ZNF710: variants seen among roughly 807,000 people sequenced by gnomAD.
The protein encoded by ZNF710 is zinc finger protein 710.
Under a neutral mutation model 50.6 loss-of-function variants are expected in ZNF710, and 13 were observed. The observed-to-expected ratio is 0.26, with a 90% CI of 0.17 to 0.41. ZNF710 has a LOEUF of 0.41. Among genes scored for constraint, ZNF710 ranks in the 10% least tolerant of loss-of-function variants. The pLI, the probability that ZNF710 is intolerant of heterozygous loss-of-function variation, is 1.00. For missense variants in ZNF710, 721 were observed against 936.6 expected, an observed-to-expected ratio of 0.77 and a Z score of 3.01; for synonymous variants, 383 against 397.0, an observed-to-expected ratio of 0.96 and a Z score of 0.42.
chr15:90,010,993 C>G (rs1471577877), intron 1 of ZNF710, among the ~76,000 whole-genome samples: 3 of 135,586 alleles, frequency 2.2e-5, no homozygotes, highest in Admixed American at 8.2e-5. Context: ...TGCAATGGTG[C>G]AATCTCGGCT....
intron 1 of ZNF710, among the ~76,000 whole-genome samples, chr15:90,015,122 C>T (rs1181847490): frequency 6.6e-6 from 1 of 152,102 alleles, no homozygotes; most frequent in Non-Finnish European, 1.5e-5. Context: ...AACTCTTGAC[C>T]TCAGGTGATC....
rs555518692 is a variant in ZNF710 at position 90,017,452 on chromosome 15, G to A, written c.-29+15838G>A. On this transcript the variant is annotated intron_variant, in intron 1 of 4. Coordinates refer to ENST00000268154, the MANE Select transcript of ZNF710 (RefSeq NM_198526.4). The stretch of plus-strand genomic sequence containing the variant: ...AAGAGATACAAAATCATCCAGCTCC[G>A]GCTGTCCTTGTGTGTGGTGCCATAT... Among the ~76,000 whole-genome samples the A allele has an allele frequency of 1.2e-4, 18 of 152,134 alleles. No individual in the cohort carries two copies. In the South Asian group the frequency reaches 2.9e-3, roughly 25 times the overall value.
At chr15:90,079,523 G>C (rs1403638965) in intron 4 of ZNF710, 137 bp from the exon 5 acceptor site, 1 of 1,081,200 alleles carries the variant, frequency 9.2e-7, no homozygotes, top group South Asian at 1.5e-5. Flanking sequence ...GGGTGGGAAG[G>C]CTGAGAGGCA....
chr15:90,051,800 A>G (rs1030587427), intron 1 of ZNF710, among the ~76,000 whole-genome samples: 1 of 152,152 alleles, frequency 6.6e-6, no homozygotes, highest in African/African-American at 2.4e-5. Context: ...TGTGCTGTAT[A>G]AAAATGATCT....
intron 1 of ZNF710, among the ~76,000 whole-genome samples, chr15:90,049,991 T>G (rs1301720179): frequency 1.3e-5 from 2 of 152,240 alleles, no homozygotes; most frequent in Non-Finnish European, 2.9e-5. Flanking sequence ...GTTAGGTGAC[T>G]GAGGAAGGCA....
At chr15:90,027,663 C>T (rs1391622455) in intron 1 of ZNF710, among the ~76,000 whole-genome samples, 1 of 151,946 alleles carries the variant, frequency 6.6e-6, no homozygotes, top group Non-Finnish European at 1.5e-5. Context: ...ACCAGCCTGG[C>T]CAACATGGCA....
chr15:90,079,580 G>T (rs1195699909), intron 4 of ZNF710, 80 bp from the exon 5 acceptor site: 1 of 1,544,536 alleles, frequency 6.5e-7, no homozygotes, highest in Non-Finnish European at 8.8e-7. Context: ...TCTTTAGAAA[G>T]GCCATCAGCT....
chr15:90,082,102 C>A lies in ZNF710; in HGVS notation c.*2273C>A, dbSNP rs1256930751. On this transcript the variant is annotated 3_prime_UTR_variant, in exon 5 of 5. Coordinates refer to ENST00000268154, the MANE Select transcript of ZNF710 (RefSeq NM_198526.4). ...TATACAAACCAACTGTTTAGAGATT[C>A]CACTTGTGCAAAGCCCTACTGTGTT... The A allele has an allele frequency of 6.6e-6, 1 of 152,224 alleles. No individual in the cohort carries two copies. The highest frequency in any genetic ancestry group is 2.4e-5 in the African/African-American group (1 of 41,456). The allele number at this position is 152,224 out of a possible 1,614,324, so 9.4% of individuals were successfully genotyped here.
chr15:90,055,549 C>T (rs771032053), intron 1 of ZNF710, among the ~76,000 whole-genome samples: 2 of 152,172 alleles, frequency 1.3e-5, no homozygotes, highest in Non-Finnish European at 2.9e-5. Flanking sequence ...GGTGGGATGT[C>T]GTGACCGATT....
At chr15:90,063,057 C>T (rs1043547832) in intron 1 of ZNF710, among the ~76,000 whole-genome samples, 2 of 152,230 alleles carry the variant, frequency 1.3e-5, no homozygotes, top group Admixed American at 6.5e-5. Flanking sequence ...GACCCCAGTT[C>T]CCCCAGCCGG....
chr15:90,007,429 G>C (rs1345876988), intron 1 of ZNF710, among the ~76,000 whole-genome samples: 1 of 152,022 alleles, frequency 6.6e-6, no homozygotes, highest in Non-Finnish European at 1.5e-5. Context: ...GGGCTTCAAG[G>C]GTCAGGGGTA....
chr15:90,032,475 C>G (rs1898977249), intron 1 of ZNF710, among the ~76,000 whole-genome samples: 1 of 152,116 alleles, frequency 6.6e-6, no homozygotes, highest in Admixed American at 6.5e-5. Flanking sequence ...CAAAAAGTAA[C>G]AATTAAGAAT....
chr15:90,019,572 G>A (rs931254570), intron 1 of ZNF710, among the ~76,000 whole-genome samples: 4 of 152,184 alleles, frequency 2.6e-5, no homozygotes, highest in Non-Finnish European at 5.9e-5. Flanking sequence ...ACATGGTTGT[G>A]AGTCTTTCAG....
chr15:90,044,057 A>C (rs1198469882), intron 1 of ZNF710, among the ~76,000 whole-genome samples: 2 of 152,224 alleles, frequency 1.3e-5, no homozygotes, highest in Non-Finnish European at 2.9e-5. Context: ...CATTGCTCTA[A>C]ATGTGTAAAA....
At chr15:90,038,707 CTG>C (rs144152063) in intron 1 of ZNF710, among the ~76,000 whole-genome samples, 266 of 143,212 alleles carry the variant, frequency 1.9e-3, no homozygotes, top group Non-Finnish European at 2.2e-3. Context: ...CCTCCCTGCT[CTG>C]TGTGTGTGTG....
intron 1 of ZNF710, among the ~76,000 whole-genome samples, chr15:90,053,098 A>T (rs772482755): frequency 6.6e-6 from 1 of 152,234 alleles, no homozygotes; most frequent in African/African-American, 2.4e-5. Flanking sequence ...GCACAGACAC[A>T]TGGGTGGGAA....
intron 1 of ZNF710, among the ~76,000 whole-genome samples, chr15:90,047,261 A>G (rs1444929418): frequency 6.6e-6 from 1 of 152,234 alleles, no homozygotes; most frequent in Non-Finnish European, 1.5e-5. Context: ...CGTGTGGCCC[A>G]GGCGAGCTGC....
intron 4 of ZNF710, among the ~76,000 whole-genome samples, chr15:90,078,876 C>A (rs1900656014): frequency 6.6e-6 from 1 of 152,248 alleles, no homozygotes; most frequent in Non-Finnish European, 1.5e-5. Flanking sequence ...CCCCTGCCAG[C>A]CTCCCAGTTC....
chr15:90,020,491 C>A (rs559105453), intron 1 of ZNF710, among the ~76,000 whole-genome samples: 30 of 152,098 alleles, frequency 2.0e-4, no homozygotes, highest in African/African-American at 4.6e-4. Flanking sequence ...CCTCCCCGCC[C>A]CCGGGGAGAC....
Sources: gnomAD v4.1 joint callset for allele counts (sites outside exome capture counted in the v4.1 genomes callset) on GRCh38, gnomAD v4.1.1 for gene constraint, MANE v1.5 for transcripts, NCBI Gene and HGNC (gene_info 2026-07-23, HGNC 2026-07-21) for gene names.